The following SLC6A5 variants were observed in gnomAD, a reference collection of about 807,000 sequenced individuals.
SLC6A5 encodes sodium- and chloride-dependent glycine transporter 2.
A neutral mutation model predicts 90.5 loss-of-function variants in SLC6A5; 58 were observed. That is an observed-to-expected ratio of 0.64 (90% CI 0.52 to 0.80). SLC6A5 has a LOEUF of 0.80. Among genes scored for constraint, SLC6A5 ranks in the 30% least tolerant of loss-of-function variants. SLC6A5 has a pLI of 0.00. For synonymous variants in SLC6A5, 427 were observed against 401.4 expected (o/e 1.06, Z -0.76); for missense variants, 1,015 against 1,017.6 (o/e 1.00, Z 0.03).
intron 14 of SLC6A5, among the ~76,000 whole-genome samples, chr11:20,647,571 A>G (rs919695065): frequency 6.6e-6 from 1 of 151,796 alleles, no homozygotes; most frequent in Non-Finnish European, 1.5e-5. Flanking sequence ...AATGGCTTAC[A>G]ATCACAGCCA....
chr11:20,643,186 A>G (rs1192113099), intron 13 of SLC6A5, among the ~76,000 whole-genome samples: 1 of 151,242 alleles, frequency 6.6e-6, no homozygotes, highest in Admixed American at 6.6e-5. Flanking sequence ...ACATGGCAAC[A>G]GGATTGATGC....
At position 20,656,210 on chromosome 11, in the gene SLC6A5, G is replaced by T. The variant is rs1273031541; in HGVS notation, c.*1342G>T. On this transcript the variant is annotated 3_prime_UTR_variant, in exon 16 of 16. Transcript: ENST00000525748. The stretch of plus-strand genomic sequence containing the variant: ...TGCATATATGAAATTTTTAAAATGT[G>T]ACATGTGTTCATGTAGTGTGTACTT... The T allele has an allele frequency of 1.3e-5, 2 of 152,202 alleles. No homozygotes were observed. Among genetic ancestry groups the T allele is most frequent in the African/African-American group, 4.8e-5 (2 of 41,456 alleles). The allele number at this position is 152,202 out of a possible 1,614,324, so 9.4% of individuals were successfully genotyped here.
chr11:20,608,956 CTCTGTGTGTGTGTG>C (rs1852641563), intron 5 of SLC6A5, among the ~76,000 whole-genome samples: 1 of 113,386 alleles, frequency 8.8e-6, no homozygotes, highest in South Asian at 2.9e-4. Flanking sequence ...CTCTCTCTCT[CTCTGTGTGTGTGTG>C]TGTGTGTGTG....
chr11:20,630,963 C>T, intron 10 of SLC6A5, 148 bp downstream of exon 10: 2 of 868,038 alleles, frequency 2.3e-6, no homozygotes, highest in Non-Finnish European at 3.7e-6. Context: ...GGGACCAAGG[C>T]AGGCTCAAGT....
chr11:20,649,947 C>T (rs1853492468), intron 14 of SLC6A5, among the ~76,000 whole-genome samples: 1 of 152,194 alleles, frequency 6.6e-6, no homozygotes, highest in Non-Finnish European at 1.5e-5. Flanking sequence ...TCTTTGGGCT[C>T]ATGTTGCTTT....
In SLC6A5 at chr11:20,607,505, T is replaced by G. The variant is rs766568427; in HGVS notation, c.838T>G (p.Ser280Ala). Residue 280 changes from serine (S) to alanine (A), a missense_variant, in exon 5 of 16, where the codon TCT (serine) becomes GCT (alanine). By Grantham distance (99) the Ser-to-Ala change is moderately conservative (BLOSUM62 1). Coordinates refer to ENST00000525748, the MANE Select transcript of SLC6A5 (RefSeq NM_004211.5). ...QGCGIAMLII[S>A]VLIAIYYNVI... ...CTGTGGCATCGCGATGCTGATCATCTCTGTCCTAATAGCCATATACTACAA... is the reference window on the plus strand; with the variant it reads ...CTGTGGCATCGCGATGCTGATCATCGCTGTCCTAATAGCCATATACTACAA... 9 of 1,614,206 alleles carry G rather than the reference T, an allele frequency of 5.6e-6. No individual in the cohort carries two copies. The highest frequency in any genetic ancestry group is 8.5e-7 in the Non-Finnish European group (1 of 1,180,036).
intron 11 of SLC6A5, 67 bp from the exon 12 acceptor site, chr11:20,637,105 A>C: frequency 6.5e-7 from 1 of 1,537,160 alleles, no homozygotes; most frequent in Non-Finnish European, 9.0e-7. Flanking sequence ...GGACATACAA[A>C]GGGCTTGGGG....
At chr11:20,650,052 A>G (rs1853495033) in intron 14 of SLC6A5, among the ~76,000 whole-genome samples, 1 of 152,232 alleles carries the variant, frequency 6.6e-6, no homozygotes, top group African/African-American at 2.4e-5. Context: ...ACATCCATCT[A>G]GCACTTCACA....
At chr11:20,609,283 A>ATT (rs35256884) in intron 5 of SLC6A5, among the ~76,000 whole-genome samples, 1,537 of 145,498 alleles carry the variant, frequency 0.011, 22 homozygotes, top group Admixed American at 0.035. Context: ...TTAATTTTTA[A>ATT]TTTTTTTTTT....
At chr11:20,646,752 A>G in intron 13 of SLC6A5, 82 bp from the exon 14 acceptor site, 3 of 919,040 alleles carry the variant, frequency 3.3e-6, no homozygotes, top group Non-Finnish European at 5.4e-6. Context: ...TGCTTGAGTG[A>G]GGGGCTCTAG....
rs774163356 is a variant in SLC6A5 at position 20,601,203 on chromosome 11, G to A, written c.78G>A (p.Pro26=). The part of the protein sequence containing the change: ...SPEAAAAQGH[P]DGPCAPRTSP... Reference sequence around the variant, plus strand: ...AGGCGGCGGCGGCGCAGGGCCACCCGGATGGCCCATGCGCTCCCAGGACGA... The same window carrying A: ...AGGCGGCGGCGGCGCAGGGCCACCCAGATGGCCCATGCGCTCCCAGGACGA... The change falls in exon 2 of 16, where the codon CCG becomes CCA. Residue 26 remains proline (P), a synonymous_variant. Transcript: ENST00000525748. The A allele has an allele frequency of 1.3e-6, 2 of 1,568,070 alleles. No individual in the cohort carries two copies. The highest frequency in any genetic ancestry group is 1.7e-5 in the Admixed American group (1 of 57,656).
At chr11:20,651,900 T>C (rs1565291222) in intron 14 of SLC6A5, among the ~76,000 whole-genome samples, 2 of 151,654 alleles carry the variant, frequency 1.3e-5, no homozygotes, top group African/African-American at 2.4e-5. Flanking sequence ...AGTGAGACTC[T>C]GTCTCAAAAA....
At chr11:20,633,239 A>G (rs559832505) in intron 10 of SLC6A5, among the ~76,000 whole-genome samples, 13 of 152,222 alleles carry the variant, frequency 8.5e-5, no homozygotes, top group Non-Finnish European at 1.5e-4. Flanking sequence ...AGAAATTTGC[A>G]TATTTATTTA....
At chr11:20,611,782 A>AC in intron 5 of SLC6A5, among the ~76,000 whole-genome samples, 1 of 140,432 alleles carries the variant, frequency 7.1e-6, no homozygotes, top group African/African-American at 2.6e-5. Context: ...AAAAAAAAAA[A>AC]CAAGGTGTCA....
rs1239815705 is a variant in SLC6A5, at chr11:20,659,238, T to G, written c.*4370T>G. On this transcript the variant is annotated 3_prime_UTR_variant, in exon 16 of 16. Coordinates refer to ENST00000525748, the MANE Select transcript of SLC6A5 (RefSeq NM_004211.5). ...TATAAATTAGAATTTACCCTAATAA[T>G]GTATGAGTTCACAAAACCCTAAATA... 6.6e-6 allele frequency: 1 copy of G among 152,186 alleles called. No individual in the cohort carries two copies. The highest frequency in any genetic ancestry group is 1.9e-4 in the East Asian group (1 of 5,176). The allele number at this position is 152,186 out of a possible 1,614,324, so 9.4% of individuals were successfully genotyped here.
chr11:20,630,632 C>T (rs1043816210), intron 9 of SLC6A5, 59 bp from the exon 10 acceptor site: 1 of 1,602,712 alleles, frequency 6.2e-7, no homozygotes, highest in Admixed American at 1.7e-5. Context: ...TGTCCTTCCC[C>T]TTGTCCCTTT....
chr11:20,628,360 G>A (rs1309298641), intron 9 of SLC6A5, among the ~76,000 whole-genome samples: 1 of 152,172 alleles, frequency 6.6e-6, no homozygotes, highest in East Asian at 1.9e-4. Context: ...GCAGTTGGCT[G>A]TGTTCTGTGA....
At chr11:20,618,360 A>G (rs1433444292) in intron 7 of SLC6A5, among the ~76,000 whole-genome samples, 2 of 152,186 alleles carry the variant, frequency 1.3e-5, no homozygotes, top group African/African-American at 4.8e-5. Context: ...CACCATGTTC[A>G]TGGCCTTCCT....
intron 5 of SLC6A5, among the ~76,000 whole-genome samples, chr11:20,610,434 G>A (rs1333736288): frequency 1.3e-5 from 2 of 152,350 alleles, no homozygotes; most frequent in East Asian, 3.9e-4. Flanking sequence ...CAGACATCCA[G>A]AGACGCTCTC....
Sources: allele counts gnomAD v4.1 joint callset (sites outside exome capture counted in the v4.1 genomes callset), GRCh38; gene constraint gnomAD v4.1.1; transcripts MANE v1.5; gene names NCBI Gene and HGNC (gene_info 2026-07-23, HGNC 2026-07-21).